Variants in NIBAN2 observed in about 807,000 individuals in gnomAD.
NIBAN2 encodes protein Niban 2.
A neutral mutation model predicts 81.8 loss-of-function variants in NIBAN2; 36 were observed. That is an observed-to-expected ratio of 0.44 (90% CI 0.34 to 0.58). The LOEUF is 0.58. Among genes scored for constraint, NIBAN2 ranks in the 20% least tolerant of loss-of-function variants. The pLI is 0.02. For synonymous variants in NIBAN2, 445 were observed against 441.6 expected (o/e 1.01, Z -0.10); for missense variants, 897 against 1,014.1 (o/e 0.88, Z 1.57).
Position 127,559,681 on chromosome 9 carries a change from G to C in NIBAN2, c.55+9139C>G, listed in dbSNP as rs1837736300. Among the ~76,000 whole-genome samples the C allele has an allele frequency of 6.6e-6, 1 of 152,234 alleles. No individual in the cohort carries two copies. On this transcript the variant is annotated intron_variant, in intron 1 of 13. Coordinates refer to ENST00000373312, the MANE Select transcript of NIBAN2 (RefSeq NM_022833.4). The surrounding 1 kb of genome is among the most constrained non-coding windows in gnomAD (Gnocchi z 4.0). Reference sequence around the variant, plus strand: ...TGGCCACAGATGGGCAGGTGGGAAAGTGGGGTCTGCACTTTGCAAACCACA... The same window carrying C: ...TGGCCACAGATGGGCAGGTGGGAAACTGGGGTCTGCACTTTGCAAACCACA...
At chr9:127,535,076 C>T (rs551733438) in intron 1 of NIBAN2, among the ~76,000 whole-genome samples, 4 of 152,336 alleles carry the variant, frequency 2.6e-5, no homozygotes, top group Non-Finnish European at 5.9e-5. Context: ...ATTCTATCAA[C>T]GTGGTCGGCA....
In NIBAN2 at chr9:127,517,734, C is replaced by T; in HGVS notation, c.705+92G>A. On this transcript the variant is annotated intron_variant, in intron 6 of 13. Transcript: ENST00000373312. This position sits in a 1 kb window ranked among gnomAD's most constrained non-coding sequence, Gnocchi z 4.0. ...ATCTCCTTCCAAACCGGCAGCGCCCCAGAGCCCCATCTCTGTACCCCACCC... is the reference window on the plus strand; with the variant it reads ...ATCTCCTTCCAAACCGGCAGCGCCCTAGAGCCCCATCTCTGTACCCCACCC... The T allele has an allele frequency of 2.2e-6, 2 of 915,360 alleles. No homozygotes were observed. The highest frequency in any genetic ancestry group is 3.5e-6 in the Non-Finnish European group (2 of 574,838). 56.7% of individuals were successfully genotyped at this position (915,360 alleles called of 1,614,324 possible).
rs546026967 is a variant in NIBAN2, at chr9:127,517,932, T to C, written c.599A>G (p.Glu200Gly). The C allele has an allele frequency of 6.2e-7, 1 of 1,603,048 alleles. No individual in the cohort carries two copies. Among genetic ancestry groups the C allele is most frequent in the South Asian group, 1.1e-5 (1 of 89,480 alleles). ...CGCAGGGCCCTCTACCTTGGAGTCCTCAGGGATTCCTGCCCAGGAGACGGA... is the reference window on the plus strand; with the variant it reads ...CGCAGGGCCCTCTACCTTGGAGTCCCCAGGGATTCCTGCCCAGGAGACGGA... ...CIRHCNNGIP[E>G]DSKVEGPAFT... The change falls in exon 6 of 14, where the codon GAG (glutamate) becomes GGG (glycine). Residue 200 changes from glutamate to glycine, a missense_variant. Coordinates refer to ENST00000373312, the MANE Select transcript of NIBAN2 (RefSeq NM_022833.4). The surrounding 1 kb of genome is among the most constrained non-coding windows in gnomAD (Gnocchi z 4.0).
intron 5 of NIBAN2, among the ~76,000 whole-genome samples, chr9:127,519,683 G>GAGCT (rs1836899775): frequency 6.6e-6 from 1 of 152,258 alleles, no homozygotes; most frequent in Admixed American, 6.5e-5. Flanking sequence ...TGGGGACGGG[G>GAGCT]GCCTGTGGGA....
In NIBAN2 at chr9:127,545,420, G is replaced by C. The variant is rs1251090701; in HGVS notation, c.56-13642C>G. Among the ~76,000 whole-genome samples the C allele has an allele frequency of 6.6e-6, 1 of 152,176 alleles. No homozygotes were observed. On this transcript the variant is annotated intron_variant, in intron 1 of 13. Transcript: ENST00000373312. This position sits in a 1 kb window ranked among gnomAD's most constrained non-coding sequence, Gnocchi z 4.7. ...CACCCAGCTCCCGCCAGGCCCAGGG[G>C]GGTGCTTGATAAACAAGTGCCGAAC...
intron 1 of NIBAN2, among the ~76,000 whole-genome samples, chr9:127,535,163 A>T (rs557208632): frequency 1.5e-3 from 233 of 152,278 alleles, no homozygotes; most frequent in African/African-American, 5.4e-3. Context: ...GCCCCAGTGC[A>T]CCCAGCCCAC....
rs146148622 is a variant in NIBAN2, at chr9:127,510,034, C to T, written c.1161+112G>A. The T allele has an allele frequency of 4.0e-4, 417 of 1,032,990 alleles. 1 individual carries two copies. The highest frequency in any genetic ancestry group is 5.3e-4 in the Non-Finnish European group (379 of 714,296). 64.0% of individuals were successfully genotyped at this position (1,032,990 alleles called of 1,614,324 possible). A position where few individuals can be genotyped will look rare whatever the true frequency, so the allele number is the denominator to read the frequency against. On this transcript the variant is annotated intron_variant, in intron 9 of 13. Transcript: ENST00000373312. ...GTCCCCAGCAGCCCCTCCCCGTCTA[C>T]AGGGACGGCCTTGGAGGGGAACGGC...
chr9:127,559,696 T>C lies in NIBAN2; in HGVS notation c.55+9124A>G, dbSNP rs983079566. 5.9e-5 allele frequency among the ~76,000 whole-genome samples: 9 copies of C among 152,220 alleles called. No individual in the cohort carries two copies. The highest frequency in any genetic ancestry group is 2.0e-4 in the Admixed American group (3 of 15,286). On this transcript the variant is annotated intron_variant, in intron 1 of 13. Transcript: ENST00000373312. This position sits in a 1 kb window ranked among gnomAD's most constrained non-coding sequence, Gnocchi z 4.0. Reference sequence around the variant, plus strand: ...AGGTGGGAAAGTGGGGTCTGCACTTTGCAAACCACAGTTCATTCTTCCTCC... The same window carrying C: ...AGGTGGGAAAGTGGGGTCTGCACTTCGCAAACCACAGTTCATTCTTCCTCC...
In NIBAN2 at chr9:127,542,185, C is replaced by T. The variant is rs545371777; in HGVS notation, c.56-10407G>A. 4.6e-5 allele frequency among the ~76,000 whole-genome samples: 7 copies of T among 152,282 alleles called. No individual in the cohort carries two copies. In the East Asian group the frequency reaches 7.7e-4, roughly 17 times the overall value. The stretch of plus-strand genomic sequence containing the variant: ...ATGGAACTGAGCTCCTTACCATGCC[C>T]GCAGGCCCAAGTCATCTGGGGTCTC... On this transcript the variant is annotated intron_variant, in intron 1 of 13. Transcript: ENST00000373312.
chr9:127,561,123 T>G (rs775619720), intron 1 of NIBAN2: 4 of 985,254 alleles, frequency 4.1e-6, no homozygotes, highest in Non-Finnish European at 4.8e-6. Context: ...AGGCACAGAG[T>G]GGATGCTGCT....
At chr9:127,512,269 G>A (rs1398673014) in intron 8 of NIBAN2, among the ~76,000 whole-genome samples, 5 of 150,206 alleles carry the variant, frequency 3.3e-5, no homozygotes, top group Non-Finnish European at 7.4e-5. Flanking sequence ...TTTCCGGACT[G>A]AACCATGTTC....
At chr9:127,554,877 G>T (rs937191588) in intron 1 of NIBAN2, among the ~76,000 whole-genome samples, 1 of 151,878 alleles carries the variant, frequency 6.6e-6, no homozygotes, top group Non-Finnish European at 1.5e-5. Context: ...GGGATTACAG[G>T]CCTGAACCAC....
At chr9:127,546,076 C>T (rs1246792968) in intron 1 of NIBAN2, among the ~76,000 whole-genome samples, 1 of 152,194 alleles carries the variant, frequency 6.6e-6, no homozygotes, top group Non-Finnish European at 1.5e-5. Context: ...CCAAGGCTGC[C>T]ATCCTGCGGC....
At chr9:127,509,998 C>T (rs1025811740) in intron 9 of NIBAN2, 148 bp downstream of exon 9, 4 of 679,700 alleles carry the variant, frequency 5.9e-6, no homozygotes, top group African/African-American at 1.8e-5. Flanking sequence ...GCCTCACAGC[C>T]TCTGCCCCTA....
chr9:127,569,444 GA>G (rs1837919941), upstream of NIBAN2, among the ~76,000 whole-genome samples: 1 of 151,820 alleles, frequency 6.6e-6, no homozygotes, highest in Non-Finnish European at 1.5e-5. Flanking sequence ...GGGGACATCT[GA>G]AAAACTGGGG....
At chr9:127,558,885 G>A (rs1459367956) in intron 1 of NIBAN2, among the ~76,000 whole-genome samples, 1 of 152,140 alleles carries the variant, frequency 6.6e-6, no homozygotes, top group Admixed American at 6.5e-5. Context: ...GCACAGGCCA[G>A]GAACTGCGCA....
intron 1 of NIBAN2, among the ~76,000 whole-genome samples, chr9:127,543,911 T>A (rs1403014209): frequency 6.6e-6 from 1 of 152,198 alleles, no homozygotes; most frequent in Non-Finnish European, 1.5e-5. Context: ...ATCCCATATA[T>A]GCTAAAAATT....
upstream of NIBAN2, chr9:127,569,157 CT>C: frequency 3.5e-6 from 3 of 845,458 alleles, no homozygotes; most frequent in Non-Finnish European, 4.2e-6. Context: ...ACCCCGCCCC[CT>C]CCCCGCCCGC....
intron 2 of NIBAN2, among the ~76,000 whole-genome samples, chr9:127,530,902 G>C (rs1011293043): frequency 6.6e-6 from 1 of 152,198 alleles, no homozygotes; most frequent in African/African-American, 2.4e-5. Context: ...AAGGAGGCTA[G>C]GCATGGTGGC....
Sources: gnomAD v4.1 joint callset for allele counts (sites outside exome capture counted in the v4.1 genomes callset) on GRCh38, gnomAD v4.1.1 for gene constraint, Gnocchi (gnomAD v3.1) non-coding constraint, MANE v1.5 for transcripts, NCBI Gene and HGNC (gene_info 2026-07-23, HGNC 2026-07-21) for gene names.